TRAPPC11: variants seen among roughly 807,000 people sequenced by gnomAD.
TRAPPC11 encodes the protein trafficking protein particle complex subunit 11, also known as foie gras homolog.
A neutral mutation model predicts 151.2 loss-of-function variants in TRAPPC11; 104 were observed. The ratio of observed to expected loss-of-function variants is 0.69; its 90% CI spans 0.59 to 0.81. TRAPPC11 has a LOEUF of 0.81. Ranked by LOEUF, TRAPPC11 falls within the 30% of genes least tolerant of loss-of-function variation. The pLI is 0.00. For synonymous variants in TRAPPC11, 456 were observed against 472.3 expected (o/e 0.97, Z 0.45); for missense variants, 1,230 against 1,349.6 (o/e 0.91, Z 1.39).
At chr4:183,696,869 A>G (rs1395359225) in intron 23 of TRAPPC11, among the ~76,000 whole-genome samples, 3 of 152,158 alleles carry the variant, frequency 2.0e-5, no homozygotes, top group Non-Finnish European at 2.9e-5. Flanking sequence ...GTCACATTAC[A>G]TTATTATTAT....
chr4:183,670,313 T>A (rs560339326), intron 5 of TRAPPC11, among the ~76,000 whole-genome samples: 1 of 152,178 alleles, frequency 6.6e-6, no homozygotes, highest in Non-Finnish European at 1.5e-5. Context: ...ATTGGAGAAG[T>A]TTGCTGATCA....
In TRAPPC11 at chr4:183,693,036, A is replaced by T. The variant is rs1736334945; in HGVS notation, c.2126A>T (p.Asp709Val). ...VVLNWQGGGG[D>V]AASSQEALQA... Reference sequence around the variant, plus strand: ...TTAAATTGGCAGGGAGGAGGAGGAGATGCTGCTTCCTCCCAAGAAGCCTTA... The same window carrying T: ...TTAAATTGGCAGGGAGGAGGAGGAGTTGCTGCTTCCTCCCAAGAAGCCTTA... Residue 709 changes from aspartate to valine, a missense_variant, in exon 20 of 30, where the codon GAT (aspartate) becomes GTT (valine). By Grantham distance (152) the Asp-to-Val change is radical (BLOSUM62 -3). Transcript: ENST00000334690. 6.2e-7 allele frequency: 1 copy of T among 1,613,364 alleles called. No homozygotes were observed. The highest frequency in any genetic ancestry group is 8.5e-7 in the Non-Finnish European group (1 of 1,179,730).
chr4:183,688,800 C>T (rs553092197), intron 18 of TRAPPC11, among the ~76,000 whole-genome samples: 2 of 152,136 alleles, frequency 1.3e-5, no homozygotes, highest in South Asian at 4.1e-4. Flanking sequence ...GGCTGGAGTG[C>T]AGTGGCACCA....
At chr4:183,679,647 A>G (rs1735579788) in intron 9 of TRAPPC11, among the ~76,000 whole-genome samples, 161 bp downstream of exon 9, 1 of 152,200 alleles carries the variant, frequency 6.6e-6, no homozygotes, top group Admixed American at 6.5e-5. Flanking sequence ...GTACATTGAT[A>G]TTGTATACAG....
At chr4:183,660,421 ATAT>A (rs1345666824) in intron 1 of TRAPPC11, among the ~76,000 whole-genome samples, 16 of 152,358 alleles carry the variant, frequency 1.1e-4, no homozygotes, top group African/African-American at 3.6e-4. Flanking sequence ...AATAACTTTT[ATAT>A]TATTGTCAGT....
intron 29 of TRAPPC11, among the ~76,000 whole-genome samples, chr4:183,711,947 C>T (rs561685377): frequency 2.8e-5 from 4 of 141,274 alleles, no homozygotes; most frequent in Admixed American, 6.8e-5. Flanking sequence ...AAAACAGTTA[C>T]GATACCTTTT....
At chr4:183,665,126 G>A (rs1250936489) in intron 2 of TRAPPC11, among the ~76,000 whole-genome samples, 16 of 119,776 alleles carry the variant, frequency 1.3e-4, no homozygotes, top group African/African-American at 1.7e-4. Flanking sequence ...ACGGAGTCTC[G>A]CTCTGTCCCC....
At chr4:183,684,452 A>G in intron 14 of TRAPPC11, 93 bp downstream of exon 14, 5 of 1,240,554 alleles carry the variant, frequency 4.0e-6, no homozygotes, top group Non-Finnish European at 5.7e-6. Flanking sequence ...TCGTATTTTC[A>G]TATTTATTTC....
intron 10 of TRAPPC11, among the ~76,000 whole-genome samples, chr4:183,680,874 G>A (rs1735651800): frequency 6.6e-6 from 1 of 151,594 alleles, no homozygotes; most frequent in Non-Finnish European, 1.5e-5. Context: ...TGTACTTTTA[G>A]TAGAGATGGG....
chr4:183,685,637 T>C (rs1735928476), intron 17 of TRAPPC11, among the ~76,000 whole-genome samples: 1 of 152,166 alleles, frequency 6.6e-6, no homozygotes. Context: ...TCAGGTGTTA[T>C]TAGAAACACC....
intron 29 of TRAPPC11, among the ~76,000 whole-genome samples, chr4:183,711,691 AGCAGGAGT>A (rs1737348568): frequency 9.9e-6 from 1 of 100,970 alleles, no homozygotes; most frequent in South Asian, 3.0e-4. Context: ...GCAAACTGAA[AGCAGGAGT>A]GCTGTCTTCA....
intron 28 of TRAPPC11, among the ~76,000 whole-genome samples, chr4:183,707,280 G>GTGTGTGTA (rs767311471): frequency 6.6e-6 from 1 of 151,938 alleles, no homozygotes; most frequent in African/African-American, 2.4e-5. Flanking sequence ...GTGTGTGTGT[G>GTGTGTGTA]TGAGGCCTGG....
intron 25 of TRAPPC11, 116 bp downstream of exon 25, chr4:183,697,951 A>G (rs1308509885): frequency 4.3e-6 from 4 of 938,232 alleles, no homozygotes; most frequent in Non-Finnish European, 6.2e-6. Context: ...AGGGAACTTG[A>G]GACCTGCACT....
At chr4:183,676,642 C>T (rs546774587) in intron 7 of TRAPPC11, among the ~76,000 whole-genome samples, 10 of 152,356 alleles carry the variant, frequency 6.6e-5, no homozygotes, top group South Asian at 4.1e-4. Flanking sequence ...CCTCCTTTCT[C>T]ACCATGCTTC....
Position 183,691,350 on chromosome 4 carries a change from C to T in TRAPPC11, c.1928C>T (p.Ser643Phe). The T allele has an allele frequency of 6.4e-7, 1 of 1,555,168 alleles. No individual in the cohort carries two copies. Among genetic ancestry groups the T allele is most frequent in the Non-Finnish European group, 8.7e-7 (1 of 1,143,606 alleles). ...CAGTTCTGTGTAATAGAAGAAGCAT[C>T]CAAAGCAAATGAAGTTTTAGAAAAT... The part of the protein sequence containing the change: ...YNQFCVIEEA[S>F]KANEVLENLT... Residue 643 changes from serine (S) to phenylalanine (F), a missense_variant, in exon 19 of 30, where the codon TCC becomes TTC. Ser to Phe is a radical substitution (Grantham distance 155). Transcript: ENST00000334690.
intron 18 of TRAPPC11, among the ~76,000 whole-genome samples, chr4:183,688,034 C>T (rs966326572): frequency 1.5e-4 from 23 of 152,278 alleles, no homozygotes; most frequent in African/African-American, 5.3e-4. Flanking sequence ...AGTAGATAAT[C>T]ATCTTTTGAT....
chr4:183,695,485 A>T (rs1304398062), intron 23 of TRAPPC11, among the ~76,000 whole-genome samples: 1 of 151,808 alleles, frequency 6.6e-6, no homozygotes, highest in East Asian at 1.9e-4. Flanking sequence ...GCAACTGCTA[A>T]CTCTTTGTGT....
At position 183,682,841 on chromosome 4, in the gene TRAPPC11, C is replaced by T. The variant is rs372915833; in HGVS notation, c.1207+16C>T. On this transcript the variant is annotated intron_variant, in intron 11 of 29. Coordinates refer to ENST00000334690, the MANE Select transcript of TRAPPC11 (RefSeq NM_021942.6). ...GGAATACTAAGTAAATAATTTTTCCCTCTGTCCTTTCCTCTCAACCTCAAA... is the reference window on the plus strand; with the variant it reads ...GGAATACTAAGTAAATAATTTTTCCTTCTGTCCTTTCCTCTCAACCTCAAA... 1.3e-6 allele frequency: 2 copies of T among 1,573,092 alleles called. No individual in the cohort carries two copies. The highest frequency in any genetic ancestry group is 1.7e-6 in the Non-Finnish European group (2 of 1,143,034).
intron 11 of TRAPPC11, among the ~76,000 whole-genome samples, 155 bp downstream of exon 11, chr4:183,682,980 G>T (rs1735774251): frequency 6.6e-6 from 1 of 152,148 alleles, no homozygotes; most frequent in Non-Finnish European, 1.5e-5. Flanking sequence ...TGCTTTGTAT[G>T]TATCACTGCA....
Sources: gnomAD v4.1 joint callset for allele counts (sites outside exome capture counted in the v4.1 genomes callset) on GRCh38, gnomAD v4.1.1 for gene constraint, MANE v1.5 for transcripts, NCBI Gene and HGNC (gene_info 2026-07-23, HGNC 2026-07-21) for gene names.